Variants in PCDH9 observed in about 807,000 individuals in gnomAD.
The protein encoded by PCDH9 is protocadherin-9.
A neutral mutation model predicts 70.6 loss-of-function variants in PCDH9; 24 were observed. That is an observed-to-expected ratio of 0.34 (90% CI 0.25 to 0.48). PCDH9 has a LOEUF of 0.48. PCDH9 is among the 20% of genes least tolerant of loss of function. The probability of loss-of-function intolerance (pLI) is 0.99; values close to 1 mark genes in which losing one functional copy is unlikely to be tolerated. For synonymous variants in PCDH9, 562 were observed against 558.5 expected, an observed-to-expected ratio of 1.01 and a Z score of -0.09; for missense variants, 1,281 against 1,503.6, an observed-to-expected ratio of 0.85 and a Z score of 2.45.
At chr13:67,144,735 T>C (rs910787855) in intron 2 of PCDH9, among the ~76,000 whole-genome samples, 5 of 152,134 alleles carry the variant, frequency 3.3e-5, no homozygotes, top group Non-Finnish European at 7.4e-5. Context: ...TTTAAAGCTA[T>C]GGATGAAAGG....
At position 66,588,531 on chromosome 13, in the gene PCDH9, CAT is replaced by C. The variant is rs150285067; in HGVS notation, c.3340+42677_3340+42678del. ...ATATGTATGTATATACACACACACA[CAT>C]ATATATGCACACTTCATATGTTTAA... On this transcript the variant is annotated intron_variant, in intron 4 of 4. Transcript: ENST00000377865. Among the ~76,000 whole-genome samples, 1,160 of 151,514 alleles carry C rather than the reference CAT, an allele frequency of 7.7e-3. 24 individuals are homozygous for C. Among genetic ancestry groups the C allele is most frequent in the African/African-American group, 0.026 (1,092 of 41,352 alleles).
chr13:66,661,686 A>G (rs1204305520), intron 3 of PCDH9, among the ~76,000 whole-genome samples: 3 of 152,228 alleles, frequency 2.0e-5, no homozygotes, highest in Admixed American at 1.3e-4. Context: ...TCATAAATCA[A>G]ATAAACACAA....
chr13:67,065,504 A>G (rs557413439), intron 2 of PCDH9, among the ~76,000 whole-genome samples: 1 of 152,328 alleles, frequency 6.6e-6, no homozygotes, highest in South Asian at 2.1e-4. Context: ...CTGATGAATC[A>G]TATTATAATG....
intron 2 of PCDH9, among the ~76,000 whole-genome samples, chr13:67,181,162 T>C (rs2987320): frequency 0.9 from 137,721 of 152,206 alleles, 62,828 homozygotes; most frequent in Non-Finnish European, 0.96. Flanking sequence ...AGATCAGTGG[T>C]TTTCAAACTA....
chr13:66,525,269 A>C (rs1960162636), intron 4 of PCDH9, among the ~76,000 whole-genome samples: 1 of 152,056 alleles, frequency 6.6e-6, no homozygotes, highest in Non-Finnish European at 1.5e-5. Flanking sequence ...TCATCAGTGA[A>C]GCATTCCCCC....
At chr13:66,449,345 T>C (rs917101167) in intron 4 of PCDH9, among the ~76,000 whole-genome samples, 1 of 152,212 alleles carries the variant, frequency 6.6e-6, no homozygotes, top group African/African-American at 2.4e-5. Flanking sequence ...TTAGTCTTTT[T>C]TGTTCATTTC....
At chr13:67,224,385 C>A (rs2089800442) in intron 2 of PCDH9, 1 of 152,180 alleles carries the variant, frequency 6.6e-6, no homozygotes, top group Non-Finnish European at 1.5e-5. Context: ...CTCCTTGCTA[C>A]TGCGGGATTG....
chr13:66,438,315 T>C (rs1446925148), intron 4 of PCDH9, among the ~76,000 whole-genome samples: 3 of 152,170 alleles, frequency 2.0e-5, no homozygotes, highest in Non-Finnish European at 2.9e-5. Context: ...AAAATTTTTC[T>C]TTTTATTTAA....
At chr13:66,860,108 A>G (rs567974538) in intron 3 of PCDH9, among the ~76,000 whole-genome samples, 2 of 152,340 alleles carry the variant, frequency 1.3e-5, no homozygotes, top group South Asian at 2.1e-4. Flanking sequence ...CAAGGACGCC[A>G]GAGCAAACAG....
chr13:66,684,624 C>A (rs1410593428), intron 3 of PCDH9, among the ~76,000 whole-genome samples: 3 of 152,256 alleles, frequency 2.0e-5, no homozygotes, highest in Non-Finnish European at 4.4e-5. Context: ...GCCTTCCCTT[C>A]AGCCATGATT....
At chr13:67,067,022 A>G (rs559393021) in intron 2 of PCDH9, among the ~76,000 whole-genome samples, 1 of 151,530 alleles carries the variant, frequency 6.6e-6, no homozygotes, top group African/African-American at 2.4e-5. Context: ...TCTAAGAGTG[A>G]TAAATGACTA....
intron 2 of PCDH9, among the ~76,000 whole-genome samples, chr13:67,040,034 T>C (rs934778408): frequency 6.6e-6 from 1 of 152,158 alleles, no homozygotes; most frequent in African/African-American, 2.4e-5. Flanking sequence ...AGAAATGTTA[T>C]GCAAACAGTC....
At chr13:66,573,552 A>T (rs564637245) in intron 4 of PCDH9, among the ~76,000 whole-genome samples, 2 of 152,260 alleles carry the variant, frequency 1.3e-5, no homozygotes, top group Non-Finnish European at 2.9e-5. Context: ...GAAAGAAAAG[A>T]TTGTGTCTTT....
intron 2 of PCDH9, among the ~76,000 whole-genome samples, chr13:67,055,481 T>C (rs1010481411): frequency 6.6e-6 from 1 of 152,180 alleles, no homozygotes; most frequent in Non-Finnish European, 1.5e-5. Flanking sequence ...AATAGAATTA[T>C]GTATCCTAGA....
chr13:66,626,505 G>A (rs1284837869), intron 4 of PCDH9, among the ~76,000 whole-genome samples: 1 of 152,164 alleles, frequency 6.6e-6, no homozygotes, highest in Non-Finnish European at 1.5e-5. Context: ...AGGCAGATGA[G>A]ACAATGGACA....
Position 67,226,553 on chromosome 13 carries a change from T to A in PCDH9, c.1888A>T (p.Asn630Tyr). 6.2e-7 allele frequency: 1 copy of A among 1,613,914 alleles called. No homozygotes were observed. The change falls in exon 2 of 5, where the codon AAT (asparagine) becomes TAT (tyrosine). Residue 630 changes from asparagine (N) to tyrosine (Y), a missense_variant. By Grantham distance (143) the Asn-to-Tyr change is moderately radical. Coordinates refer to ENST00000377865, the MANE Select transcript of PCDH9 (RefSeq NM_203487.3). This position sits in a 1 kb window ranked among gnomAD's most constrained non-coding sequence, Gnocchi z 5.0. ...TGCTGCTCTCTATCAAATGAGACAT[T>A]TGACTTTATGACTCCAGAATAGGGA... ...LDPYSGVIKS[N>Y]VSFDREQQSS...
chr13:66,587,553 C>G (rs542003237), intron 4 of PCDH9, among the ~76,000 whole-genome samples: 1 of 152,036 alleles, frequency 6.6e-6, no homozygotes, highest in Non-Finnish European at 1.5e-5. Flanking sequence ...ATGCTTCCAG[C>G]TAGGAGAACA....
At chr13:67,225,099 T>G in intron 2 of PCDH9, 3 of 1,242,500 alleles carry the variant, frequency 2.4e-6, no homozygotes, top group Non-Finnish European at 3.0e-6. Flanking sequence ...ATTTGGCATA[T>G]CAGGACAGGT....
rs1299080698 is a variant in PCDH9 at position 66,844,963 on chromosome 13, C to T, written c.3138+58541G>A. On this transcript the variant is annotated intron_variant, in intron 3 of 4. Transcript: ENST00000377865. The stretch of plus-strand genomic sequence containing the variant: ...AACTCTATGGCCACTGGTGCCTTTG[C>T]CTGAGTTTTGCTTGTCTGGATGAGT... 2.6e-5 allele frequency among the ~76,000 whole-genome samples: 4 copies of T among 152,082 alleles called. No individual in the cohort carries two copies. In the East Asian group the frequency reaches 7.7e-4, roughly 29 times the overall value.
Sources: allele counts gnomAD v4.1 joint callset (sites outside exome capture counted in the v4.1 genomes callset), GRCh38; gene constraint gnomAD v4.1.1; non-coding constraint Gnocchi (gnomAD v3.1); transcripts MANE v1.5; gene names NCBI Gene and HGNC (gene_info 2026-07-23, HGNC 2026-07-21).